SUPT3H: variants seen among roughly 807,000 people sequenced by gnomAD.
SUPT3H encodes transcription initiation protein SPT3 homolog.
Under a neutral mutation model 44.3 loss-of-function variants are expected in SUPT3H, and 44 were observed. The ratio of observed to expected loss-of-function variants is 0.99; its 90% CI spans 0.78 to 1.28. The LOEUF (loss-of-function observed/expected upper bound fraction) is 1.28, where lower values mean the gene tolerates loss of function less well. Ranked by LOEUF, SUPT3H falls within the 50% of genes most tolerant of loss-of-function variation. The pLI is 0.00. For missense variants in SUPT3H, 380 were observed against 387.1 expected (o/e 0.98, Z 0.15); for synonymous variants, 124 against 125.6 (o/e 0.99, Z 0.09).
intron 10 of SUPT3H, among the ~76,000 whole-genome samples, chr6:44,921,505 C>T (rs544694098): frequency 6.6e-6 from 1 of 152,264 alleles, no homozygotes; most frequent in Non-Finnish European, 1.5e-5. Context: ...GAAGATCAAC[C>T]CCTAATACTT....
At chr6:45,285,818 G>A (rs1779136864) in intron 2 of SUPT3H, among the ~76,000 whole-genome samples, 2 of 152,118 alleles carry the variant, frequency 1.3e-5, no homozygotes. Context: ...CAAAGCTGAA[G>A]GCATCACACT....
chr6:45,315,236 C>G (rs1252064027), intron 2 of SUPT3H, among the ~76,000 whole-genome samples: 1 of 151,930 alleles, frequency 6.6e-6, no homozygotes. Context: ...ACAAGGATTC[C>G]ATGACCAAAA....
At chr6:44,976,205 A>C (rs1443226412) in intron 6 of SUPT3H, among the ~76,000 whole-genome samples, 1 of 149,440 alleles carries the variant, frequency 6.7e-6, no homozygotes, top group Admixed American at 6.7e-5. Flanking sequence ...TTTAGTCACT[A>C]AGAAAAGGAG....
intron 2 of SUPT3H, among the ~76,000 whole-genome samples, chr6:45,196,121 C>A (rs1175364427): frequency 1.3e-5 from 2 of 152,012 alleles, no homozygotes; most frequent in Admixed American, 1.3e-4. Flanking sequence ...AGATAATACA[C>A]AATAGATATC....
At chr6:45,148,892 T>C (rs555298046) in intron 2 of SUPT3H, among the ~76,000 whole-genome samples, 2 of 152,246 alleles carry the variant, frequency 1.3e-5, no homozygotes, top group East Asian at 3.9e-4. Flanking sequence ...TAGGAGCAAA[T>C]ATGTTGCATT....
intron 10 of SUPT3H, among the ~76,000 whole-genome samples, chr6:44,884,976 C>T (rs948145920): frequency 5.3e-5 from 8 of 152,206 alleles, no homozygotes; most frequent in African/African-American, 1.4e-4. Flanking sequence ...CTGCACCTGG[C>T]TCGGAGGGTC....
At chr6:45,116,312 G>C (rs1800834575) in intron 2 of SUPT3H, among the ~76,000 whole-genome samples, 1 of 152,016 alleles carries the variant, frequency 6.6e-6, no homozygotes, top group African/African-American at 2.4e-5. Flanking sequence ...CCTTCACCTA[G>C]AATCACCAAT....
chr6:44,817,152 A>C (rs1413765104), intron 11 of SUPT3H, among the ~76,000 whole-genome samples: 1 of 151,896 alleles, frequency 6.6e-6, no homozygotes, highest in East Asian at 1.9e-4. Flanking sequence ...AGGTTAATAC[A>C]TCATGACCGA....
chr6:45,126,222 C>T (rs1033404271), intron 2 of SUPT3H, among the ~76,000 whole-genome samples: 1 of 152,168 alleles, frequency 6.6e-6, no homozygotes, highest in African/African-American at 2.4e-5. Flanking sequence ...AAACAGTTCC[C>T]ATTTAATAAT....
At chr6:45,033,428 T>C (rs1787243128) in intron 3 of SUPT3H, among the ~76,000 whole-genome samples, 1 of 152,054 alleles carries the variant, frequency 6.6e-6, no homozygotes, top group Admixed American at 6.6e-5. Flanking sequence ...GAAAGGAAAT[T>C]ATGCTAACCA....
At chr6:45,138,187 C>A (rs1236874904) in intron 2 of SUPT3H, among the ~76,000 whole-genome samples, 3 of 151,954 alleles carry the variant, frequency 2.0e-5, no homozygotes, top group Non-Finnish European at 4.4e-5. Flanking sequence ...TGACAATAAT[C>A]AAAAAGATAA....
chr6:45,155,561 G>A (rs1300620294), intron 2 of SUPT3H, among the ~76,000 whole-genome samples: 1 of 152,074 alleles, frequency 6.6e-6, no homozygotes, highest in Non-Finnish European at 1.5e-5. Context: ...TCAAGGAAGG[G>A]ACTATTATCA....
intron 2 of SUPT3H, among the ~76,000 whole-genome samples, chr6:45,146,640 A>G (rs1001436820): frequency 1.3e-5 from 2 of 152,180 alleles, no homozygotes; most frequent in African/African-American, 4.8e-5. Context: ...TATTAAGTGC[A>G]TAATACATGT....
chr6:44,890,485 C>T (rs963379195), intron 10 of SUPT3H, among the ~76,000 whole-genome samples: 1 of 151,382 alleles, frequency 6.6e-6, no homozygotes, highest in Non-Finnish European at 1.5e-5. Flanking sequence ...TGGAAATCAT[C>T]ATTCTCAGTA....
intron 3 of SUPT3H, among the ~76,000 whole-genome samples, chr6:45,023,227 T>A (rs1212159726): frequency 6.6e-6 from 1 of 150,464 alleles, no homozygotes; most frequent in Admixed American, 6.6e-5. Flanking sequence ...TGAGATACCA[T>A]CTTACAGCAG....
chr6:44,943,367 C>T (rs1772779950), intron 9 of SUPT3H, among the ~76,000 whole-genome samples: 1 of 151,956 alleles, frequency 6.6e-6, no homozygotes, highest in African/African-American at 2.4e-5. Flanking sequence ...TTAAAAAGCA[C>T]CTAAGTTACC....
intron 10 of SUPT3H, among the ~76,000 whole-genome samples, chr6:44,856,908 T>C (rs1773828704): frequency 6.6e-6 from 1 of 152,198 alleles, no homozygotes; most frequent in Admixed American, 6.5e-5. Flanking sequence ...ATGGAACTCA[T>C]AAATGAGAAT....
intron 10 of SUPT3H, among the ~76,000 whole-genome samples, chr6:44,881,879 T>TTC (rs1561950249): frequency 1.3e-5 from 2 of 152,100 alleles, no homozygotes; most frequent in Non-Finnish European, 2.9e-5. Flanking sequence ...GGGACACAGC[T>TTC]AAAGCAGTGA....
chr6:44,812,664 G>T (rs1381423655), intron 11 of SUPT3H, among the ~76,000 whole-genome samples: 1 of 152,182 alleles, frequency 6.6e-6, no homozygotes, highest in Non-Finnish European at 1.5e-5. Context: ...ATCCAGTGTG[G>T]CCAGGACTTG....
Sources: gnomAD v4.1 joint callset for allele counts (sites outside exome capture counted in the v4.1 genomes callset) on GRCh38, gnomAD v4.1.1 for gene constraint, MANE v1.5 for transcripts, NCBI Gene and HGNC (gene_info 2026-07-23, HGNC 2026-07-21) for gene names.